The following NRXN3 variants were observed in gnomAD, a reference collection of about 807,000 sequenced individuals.
NRXN3 encodes neurexin 3, also known as neurexin III.
In NRXN3, 32 loss-of-function variants were observed where a neutral mutation model predicts 137.6. The ratio of observed to expected loss-of-function variants is 0.23; its 90% CI spans 0.18 to 0.31. The LOEUF (loss-of-function observed/expected upper bound fraction) is 0.31. Ranked by LOEUF, NRXN3 falls within the 10% of genes least tolerant of loss-of-function variation. NRXN3 has a pLI of 1.00. For synonymous variants in NRXN3, 798 were observed against 784.5 expected, an observed-to-expected ratio of 1.02 and a Z score of -0.29; for missense variants, 1,574 against 2,062.5, an observed-to-expected ratio of 0.76 and a Z score of 4.59.
chr14:79,567,814 T>C (rs564344621), intron 16 of NRXN3, among the ~76,000 whole-genome samples: 1 of 152,268 alleles, frequency 6.6e-6, no homozygotes, highest in South Asian at 2.1e-4. Context: ...ACTTTCTGGA[T>C]GTAAGTTTGG....
At chr14:78,233,737 C>T (rs1480973291) in intron 1 of NRXN3, among the ~76,000 whole-genome samples, 1 of 150,924 alleles carries the variant, frequency 6.6e-6, no homozygotes, top group Non-Finnish European at 1.5e-5. Flanking sequence ...GGACACTGCT[C>T]CTGCCACTGC....
At chr14:78,247,393 C>T (rs2067853853) in intron 2 of NRXN3, among the ~76,000 whole-genome samples, 1 of 152,182 alleles carries the variant, frequency 6.6e-6, no homozygotes, top group Non-Finnish European at 1.5e-5. Flanking sequence ...AGACTGTTAG[C>T]TCTGGCCGCG....
chr14:79,081,128 G>A (rs372492196), intron 15 of NRXN3, among the ~76,000 whole-genome samples: 1 of 152,142 alleles, frequency 6.6e-6, no homozygotes, highest in East Asian at 1.9e-4. Context: ...CATCAATGAA[G>A]TTAGTTCCTT....
chr14:78,390,119 A>G (rs2090554834), intron 4 of NRXN3, among the ~76,000 whole-genome samples: 1 of 152,168 alleles, frequency 6.6e-6, no homozygotes, highest in African/African-American at 2.4e-5. Flanking sequence ...GTAAAGATTA[A>G]CACCGGGTAC....
At chr14:78,763,149 C>G (rs2098698183) in intron 8 of NRXN3, among the ~76,000 whole-genome samples, 1 of 152,174 alleles carries the variant, frequency 6.6e-6, no homozygotes. Flanking sequence ...GCAATGCTGT[C>G]CCCTTTGCTA....
chr14:79,307,023 C>A (rs997252056), intron 15 of NRXN3, among the ~76,000 whole-genome samples: 5 of 152,080 alleles, frequency 3.3e-5, no homozygotes, highest in African/African-American at 1.2e-4. Context: ...CCTTCTACTT[C>A]CAGGAAATAG....
intron 16 of NRXN3, among the ~76,000 whole-genome samples, chr14:79,522,842 A>C (rs1232626126): frequency 6.6e-6 from 1 of 152,202 alleles, no homozygotes; most frequent in Non-Finnish European, 1.5e-5. Context: ...TATATGTAAA[A>C]AACTGCCATG....
intron 19 of NRXN3, among the ~76,000 whole-genome samples, chr14:79,782,476 A>G (rs554243303): frequency 6.6e-6 from 1 of 151,990 alleles, no homozygotes; most frequent in South Asian, 2.1e-4. Flanking sequence ...TATGGTTATT[A>G]TGGTCTCTTG....
intron 15 of NRXN3, among the ~76,000 whole-genome samples, chr14:79,046,284 A>G (rs1418532269): frequency 6.6e-6 from 1 of 152,152 alleles, no homozygotes; most frequent in East Asian, 1.9e-4. Flanking sequence ...GTTGGGATCT[A>G]TGATGGTCCC....
intron 10 of NRXN3, among the ~76,000 whole-genome samples, chr14:78,918,641 T>C (rs1468676872): frequency 2.6e-5 from 4 of 152,244 alleles, no homozygotes; most frequent in Admixed American, 6.5e-5. Flanking sequence ...ATTTTTTCTC[T>C]TGATTTCATT....
chr14:79,749,592 G>A, intron 19 of NRXN3, among the ~76,000 whole-genome samples: 1 of 151,928 alleles, frequency 6.6e-6, no homozygotes, highest in East Asian at 1.9e-4. Flanking sequence ...CTATTCCCTT[G>A]CCTGAAACAA....
At chr14:79,543,379 G>A (rs2097291730) in intron 16 of NRXN3, among the ~76,000 whole-genome samples, 1 of 152,184 alleles carries the variant, frequency 6.6e-6, no homozygotes, top group African/African-American at 2.4e-5. Flanking sequence ...GCCAAGGGTG[G>A]AGATGGTCAG....
chr14:79,093,466 A>G (rs2049597961), intron 15 of NRXN3, among the ~76,000 whole-genome samples: 1 of 152,200 alleles, frequency 6.6e-6, no homozygotes, highest in African/African-American at 2.4e-5. Context: ...GGAGAACAAT[A>G]TGGAAAAGGA....
chr14:78,441,025 T>C (rs2094226929), intron 4 of NRXN3, among the ~76,000 whole-genome samples: 1 of 152,156 alleles, frequency 6.6e-6, no homozygotes, highest in African/African-American at 2.4e-5. Context: ...TGTCTGTCTG[T>C]CTTGAACCTC....
At chr14:79,019,580 A>G (rs1325854115) in intron 15 of NRXN3, among the ~76,000 whole-genome samples, 2 of 152,164 alleles carry the variant, frequency 1.3e-5, no homozygotes, top group South Asian at 2.1e-4. Flanking sequence ...GAAAAGAATT[A>G]TGTCCGTGCT....
At chr14:79,329,573 G>C (rs2091388342) in intron 15 of NRXN3, among the ~76,000 whole-genome samples, 1 of 152,144 alleles carries the variant, frequency 6.6e-6, no homozygotes, top group South Asian at 2.1e-4. Context: ...AAATGGACGT[G>C]ACTGTGTTCC....
intron 16 of NRXN3, among the ~76,000 whole-genome samples, chr14:79,604,326 C>T (rs2097969880): frequency 6.6e-6 from 1 of 152,030 alleles, no homozygotes; most frequent in Admixed American, 6.6e-5. Flanking sequence ...ACTCTGCCTC[C>T]TGGGTTCAAG....
chr14:79,161,609 T>C (rs544626879), intron 15 of NRXN3, among the ~76,000 whole-genome samples: 34 of 152,102 alleles, frequency 2.2e-4, no homozygotes, highest in African/African-American at 3.4e-4. Context: ...TTTTGAAATA[T>C]CTTTGAAAGT....
At chr14:78,681,965 T>A (rs1266612190) in intron 6 of NRXN3, among the ~76,000 whole-genome samples, 4 of 152,064 alleles carry the variant, frequency 2.6e-5, no homozygotes, top group African/African-American at 9.7e-5. Flanking sequence ...CCTCCCGGGT[T>A]CAAGCAATTC....
Sources: allele counts gnomAD v4.1 joint callset (sites outside exome capture counted in the v4.1 genomes callset), GRCh38; gene constraint gnomAD v4.1.1; transcripts MANE v1.5; gene names NCBI Gene and HGNC (gene_info 2026-07-23, HGNC 2026-07-21).